The following FCAMR variants were observed in gnomAD, a reference collection of about 807,000 sequenced individuals.
FCAMR encodes high affinity immunoglobulin alpha and immunoglobulin mu Fc receptor.
FCAMR carries 51 observed loss-of-function variants against 52.2 expected under a neutral mutation model. The observed-to-expected ratio is 0.98, with a 90% CI of 0.78 to 1.23. The LOEUF (loss-of-function observed/expected upper bound fraction) is 1.23. Ranked by LOEUF, FCAMR falls within the 50% of genes most tolerant of loss-of-function variation. The probability of loss-of-function intolerance (pLI) is 0.00; values close to 1 mark genes in which losing one functional copy is unlikely to be tolerated. For missense variants in FCAMR, 719 were observed against 712.6 expected, an observed-to-expected ratio of 1.01 and a Z score of -0.10; for synonymous variants, 282 against 262.0, an observed-to-expected ratio of 1.08 and a Z score of -0.74.
chr1:206,961,248 A>G (rs1373837415), intron 5 of FCAMR, 25 bp from the exon 6 acceptor site: 3 of 1,497,308 alleles, frequency 2.0e-6, no homozygotes, highest in Non-Finnish European at 2.7e-6. Context: ...GAGGGAGGCC[A>G]CATGGGAAGG....
chr1:206,963,025 C>G (rs929698563), intron 4 of FCAMR, among the ~76,000 whole-genome samples: 1 of 150,184 alleles, frequency 6.7e-6, no homozygotes, highest in Non-Finnish European at 1.5e-5. Flanking sequence ...TAAACAAGGA[C>G]CCTTTCAGGA....
chr1:206,962,224 G>A lies in FCAMR; in HGVS notation c.641C>T (p.Thr214Ile). 6.2e-7 allele frequency: 1 copy of A among 1,614,046 alleles called. No homozygotes were observed. The highest frequency in any genetic ancestry group is 8.5e-7 in the Non-Finnish European group (1 of 1,179,944). Reference protein sequence around the residue: ...NNMLFLSMNLTISAGPASTLP... With the variant: ...NNMLFLSMNLIISAGPASTLP... ...CCGTCAGCTCATACCTGCAGAGATG[G>A]TCAGATTCATGCTTAAGAACAGCAT... is the stretch of plus-strand genomic sequence containing the variant. The change falls in exon 5 of 8, where the codon ACC becomes ATC. Residue 214 changes from threonine (T) to isoleucine (I), a missense_variant. Transcript: ENST00000324852.
chr1:206,960,255 C>T (rs140330870), intron 6 of FCAMR, 167 bp downstream of exon 6: 6,525 of 643,210 alleles, frequency 0.01, 49 homozygotes, highest in Non-Finnish European at 0.014. Flanking sequence ...ACTCAGGGAG[C>T]GTTCTCACAG....
rs775287651 is a variant in FCAMR, at chr1:206,965,902, T to C, written c.170-44A>G. The C allele has an allele frequency of 3.7e-6, 6 of 1,609,522 alleles. No homozygotes were observed. In the South Asian group the frequency reaches 6.6e-5, roughly 18 times the overall value. On this transcript the variant is annotated intron_variant, in intron 3 of 7. Transcript: ENST00000324852. ...ATGGGTCATCAGGGGGCCATCCATG[T>C]GTCCACAAAGGCACCTACAGAGGAA... is the stretch of plus-strand genomic sequence containing the variant.
chr1:206,964,769 G>C (rs974592757), intron 4 of FCAMR, among the ~76,000 whole-genome samples: 1 of 152,072 alleles, frequency 6.6e-6, no homozygotes, highest in East Asian at 1.9e-4. Flanking sequence ...TTATAGCACC[G>C]TAAAAATGGC....
At chr1:206,964,787 A>G (rs1176932912) in intron 4 of FCAMR, among the ~76,000 whole-genome samples, 1 of 152,140 alleles carries the variant, frequency 6.6e-6, no homozygotes, top group Non-Finnish European at 1.5e-5. Context: ...GGCCTAATAT[A>G]ATCCTATTGC....
chr1:206,967,672 G>A, intron 1 of FCAMR, 21 bp from the exon 2 acceptor site: 1 of 1,613,148 alleles, frequency 6.2e-7, no homozygotes. Context: ...AAGGGGAATT[G>A]GTTTTTTCAA....
rs1300919266 is a variant in FCAMR at position 206,970,098 on chromosome 1, C to T, written c.28G>A (p.Gly10Arg). The T allele has an allele frequency of 6.2e-7, 1 of 1,614,106 alleles. No individual in the cohort carries two copies. The highest frequency in any genetic ancestry group is 1.7e-5 in the Admixed American group (1 of 60,024). MDGEATVKP[G>R]EQKEVVRRGR... is the part of the protein sequence containing the mutation. ...AAGCATCATTTCACCTTTTGTTCTC[C>T]AGGCTTCACTGTGGCCTCTCCATCC... The change falls in exon 1 of 8, where the codon GGA (glycine) becomes AGA (arginine). Residue 10 changes from glycine to arginine, a missense_variant. Coordinates refer to ENST00000324852, the MANE Select transcript of FCAMR (RefSeq NM_001170631.2).
At chr1:206,961,968 G>T (rs1387626527) in intron 5 of FCAMR, among the ~76,000 whole-genome samples, 2 of 152,188 alleles carry the variant, frequency 1.3e-5, no homozygotes, top group Admixed American at 6.5e-5. Flanking sequence ...ATGACATTTG[G>T]GGGACACAGG....
At chr1:206,967,715 C>T (rs774670301) in intron 1 of FCAMR, 64 bp from the exon 2 acceptor site, 43 of 1,458,230 alleles carry the variant, frequency 2.9e-5, no homozygotes, top group Admixed American at 2.5e-4. Context: ...TAGTATGCCT[C>T]GGTTAGTAAC....
intron 5 of FCAMR, 102 bp downstream of exon 5, chr1:206,962,111 C>T: frequency 8.6e-7 from 1 of 1,162,548 alleles, no homozygotes; most frequent in East Asian, 2.4e-5. Flanking sequence ...TTGTCACTTC[C>T]CTAATGTTTC....
chr1:206,969,033 G>A (rs1022645026), intron 1 of FCAMR, among the ~76,000 whole-genome samples: 1 of 152,160 alleles, frequency 6.6e-6, no homozygotes, highest in Non-Finnish European at 1.5e-5. Flanking sequence ...ACCTTTCCCT[G>A]CCTTACAAAG....
In FCAMR at chr1:206,961,153, C is replaced by T. The variant is rs373309798; in HGVS notation, c.723G>A (p.Ala241=). ...GELTMRSYGT[A]SPVANRWTPG... The stretch of plus-strand genomic sequence containing the variant: ...GGGTCCATCTGTTGGCCACTGGAGA[C>T]GCTGTTCCATAGGATCTCATGGTGA... Residue 241 remains alanine, a synonymous_variant, in exon 6 of 8, where the codon GCG becomes GCA. Transcript: ENST00000324852. 1.6e-4 allele frequency: 255 copies of T among 1,551,476 alleles called. No individual in the cohort carries two copies. The highest frequency in any genetic ancestry group is 1.5e-4 in the Non-Finnish European group (173 of 1,146,988).
intron 6 of FCAMR, chr1:206,960,065 C>T (rs1680440635): frequency 6.3e-6 from 3 of 473,976 alleles, no homozygotes; most frequent in Non-Finnish European, 1.1e-5. Flanking sequence ...TAGGTGGGAG[C>T]AAGCGACTCC....
rs1680483797 is a variant in FCAMR at position 206,960,894 on chromosome 1, C to A, written c.982G>T (p.Glu328Ter). 1 of 1,552,276 alleles carries A rather than the reference C, an allele frequency of 6.4e-7. No homozygotes were observed. The highest frequency in any genetic ancestry group is 1.4e-5 in the African/African-American group (1 of 73,048). Residue 328 changes from glutamate to a stop codon, truncating the protein, a stop_gained, in exon 6 of 8, where the codon GAG becomes TAG. Transcript: ENST00000324852. LOFTEE classifies it high-confidence loss of function. ...TTTGTCACCGAGCTTCTGGTGCCCT[C>A]CCAAACACCTTCTGTTGTATTGGAC... is the stretch of plus-strand genomic sequence containing the variant. The part of the protein sequence containing the change: ...SMSNTTEGVW[E>*]GTRSSVTNRA...
intron 3 of FCAMR, 62 bp from the exon 4 acceptor site, chr1:206,965,920 CAGA>C (rs1309603875): frequency 6.2e-7 from 1 of 1,607,180 alleles, no homozygotes; most frequent in Non-Finnish European, 8.5e-7. Flanking sequence ...AAGGCACCTA[CAGA>C]GGAAGAAGCA....
intron 1 of FCAMR, among the ~76,000 whole-genome samples, chr1:206,968,979 C>A (rs12059895): frequency 0.061 from 9,262 of 152,214 alleles, 925 homozygotes; most frequent in African/African-American, 0.21. Flanking sequence ...TGTGCCTTCG[C>A]TGTAGCAAGT....
At chr1:206,965,005 G>A (rs1680650583) in intron 4 of FCAMR, among the ~76,000 whole-genome samples, 1 of 152,114 alleles carries the variant, frequency 6.6e-6, no homozygotes. Flanking sequence ...GAAGAGTAGA[G>A]GTCATAAATG....
chr1:206,963,193 A>G (rs773017967), intron 4 of FCAMR, among the ~76,000 whole-genome samples: 9 of 152,132 alleles, frequency 5.9e-5, no homozygotes, highest in Non-Finnish European at 1.0e-4. Flanking sequence ...ACCTGTCTGG[A>G]CCAGTGGTTG....
Sources: allele counts gnomAD v4.1 joint callset (sites outside exome capture counted in the v4.1 genomes callset), GRCh38; gene constraint gnomAD v4.1.1; transcripts MANE v1.5; gene names NCBI Gene and HGNC (gene_info 2026-07-23, HGNC 2026-07-21).